The following MYO10 variants were observed in gnomAD, a reference collection of about 807,000 sequenced individuals.
The protein encoded by MYO10 is myosin X.
In MYO10, 133 loss-of-function variants were observed where a neutral mutation model predicts 257.3. The observed-to-expected ratio is 0.52, with a 90% CI of 0.45 to 0.60. The LOEUF (loss-of-function observed/expected upper bound fraction) is 0.60. MYO10 is among the 20% of genes least tolerant of loss of function. The pLI is 0.00. For missense variants in MYO10, 2,399 were observed against 2,635.7 expected (o/e 0.91, Z 1.97); for synonymous variants, 1,104 against 1,028.6 (o/e 1.07, Z -1.40).
At chr5:16,880,905 G>C (rs166227) in intron 1 of MYO10, among the ~76,000 whole-genome samples, 59,330 of 152,108 alleles carry the variant, frequency 0.39, 13,317 homozygotes, top group Admixed American at 0.5. Flanking sequence ...GATTTCAAGT[G>C]CCTGATGACT....
chr5:16,789,842 C>T (rs188732591), intron 4 of MYO10, among the ~76,000 whole-genome samples: 221 of 152,266 alleles, frequency 1.5e-3, no homozygotes, highest in Non-Finnish European at 1.5e-3. Flanking sequence ...AGTTCAAATC[C>T]TATGTTTGTT....
At chr5:16,708,455 T>C (rs1046911525) in intron 21 of MYO10, among the ~76,000 whole-genome samples, 2 of 152,224 alleles carry the variant, frequency 1.3e-5, no homozygotes, top group African/African-American at 4.8e-5. Context: ...GAAGCTGGAT[T>C]AGTACTTGGA....
chr5:16,697,163 G>A (rs1481480725), intron 26 of MYO10, among the ~76,000 whole-genome samples: 2 of 152,078 alleles, frequency 1.3e-5, no homozygotes, highest in African/African-American at 4.8e-5. Flanking sequence ...GGGGTTTCAT[G>A]AGCACTGTGG....
chr5:16,754,091 G>A (rs1332528919), intron 19 of MYO10, among the ~76,000 whole-genome samples: 3 of 152,200 alleles, frequency 2.0e-5, no homozygotes, highest in South Asian at 2.1e-4. Flanking sequence ...AAAATTTGTA[G>A]GGGTTTTCTC....
intron 1 of MYO10, among the ~76,000 whole-genome samples, chr5:16,912,909 G>GGGAT (rs1272889648): frequency 6.7e-6 from 1 of 149,828 alleles, no homozygotes; most frequent in African/African-American, 2.5e-5. Context: ...CTCTTAGTTT[G>GGGAT]GGATGATTCC....
chr5:16,816,599 T>G (rs774299578), intron 3 of MYO10, among the ~76,000 whole-genome samples: 3 of 151,590 alleles, frequency 2.0e-5, no homozygotes, highest in South Asian at 2.1e-4. Flanking sequence ...GGTGCGATCT[T>G]AGCTCACTGC....
At chr5:16,889,591 A>C (rs974832324) in intron 1 of MYO10, among the ~76,000 whole-genome samples, 1 of 151,336 alleles carries the variant, frequency 6.6e-6, no homozygotes, top group Non-Finnish European at 1.5e-5. Context: ...AGAACAAGCC[A>C]AGAAAGACAA....
chr5:16,932,988 G>A (rs942611034), intron 1 of MYO10, among the ~76,000 whole-genome samples: 2 of 152,012 alleles, frequency 1.3e-5, no homozygotes, highest in African/African-American at 4.8e-5. Context: ...TGAACTCCTG[G>A]GCTCAAGCAG....
In MYO10 at chr5:16,891,317, A is replaced by AGG. The variant is rs1170103767; in HGVS notation, c.22-13611_22-13610insCC. Among the ~76,000 whole-genome samples the AGG allele has an allele frequency of 2.3e-4, 16 of 70,962 alleles. No homozygotes were observed. The East Asian group carries it at 4.7e-3, about 21-fold the overall frequency. The allele number at this position is 70,962 out of a possible 152,430, so 46.6% of individuals were successfully genotyped here. A position where few individuals can be genotyped will look rare whatever the true frequency, so the allele number is the denominator to read the frequency against. ...CTTGAAAGAGAGAGAAAAGGAGAAG[A>AGG]GAAAAGGAAGGAAGGAAGGAAGGAA... On this transcript the variant is annotated intron_variant, in intron 1 of 40. Coordinates refer to ENST00000513610, the MANE Select transcript of MYO10 (RefSeq NM_012334.3).
chr5:16,892,226 T>C (rs769330845), intron 1 of MYO10, among the ~76,000 whole-genome samples: 1 of 152,202 alleles, frequency 6.6e-6, no homozygotes, highest in African/African-American at 2.4e-5. Flanking sequence ...CCAGCTCTTC[T>C]ACCCATAGCT....
intron 2 of MYO10, among the ~76,000 whole-genome samples, chr5:16,863,039 G>C (rs1744150316): frequency 6.6e-6 from 1 of 152,160 alleles, no homozygotes; most frequent in Admixed American, 6.5e-5. Flanking sequence ...CAGATTCTAA[G>C]GGTTGGGAAG....
chr5:16,915,727 G>A (rs529572062), intron 1 of MYO10, among the ~76,000 whole-genome samples: 3 of 152,292 alleles, frequency 2.0e-5, no homozygotes, highest in East Asian at 1.9e-4. Context: ...AGGCCAAGGC[G>A]GGCGGATCAC....
rs1171822684 is a variant in MYO10 at position 16,699,478 on chromosome 5, C to T, written c.3528G>A (p.Pro1176=). Residue 1176 remains proline, a synonymous_variant, in exon 26 of 41, where the codon CCG becomes CCA. Coordinates refer to ENST00000513610, the MANE Select transcript of MYO10 (RefSeq NM_012334.3). ...TCATGTACAGAAAGCTGTGGAAATA[C>T]GGCAGAGTGACACAGCTGTACACAG... The part of the protein sequence containing the change: ...RDSVYSCVTL[P]YFHSFLYMKG... 1.1e-5 allele frequency: 17 copies of T among 1,613,578 alleles called. No individual in the cohort carries two copies. The highest frequency in any genetic ancestry group is 8.9e-5 in the East Asian group (4 of 44,886).
chr5:16,823,778 G>A (rs542506111), intron 2 of MYO10, among the ~76,000 whole-genome samples: 17 of 149,354 alleles, frequency 1.1e-4, no homozygotes, highest in East Asian at 4.0e-4. Context: ...GGCTGGGGGC[G>A]GGGGGCGGGG....
intron 1 of MYO10, among the ~76,000 whole-genome samples, chr5:16,882,085 T>C (rs536844176): frequency 9.8e-5 from 15 of 152,328 alleles, no homozygotes; most frequent in African/African-American, 3.6e-4. Flanking sequence ...GCTAAAAATT[T>C]TTCTGTACAT....
chr5:16,703,141 A>G lies in MYO10; in HGVS notation c.2294T>C (p.Val765Ala), dbSNP rs925138698. The G allele has an allele frequency of 6.3e-7, 1 of 1,595,656 alleles. No homozygotes were observed. The highest frequency in any genetic ancestry group is 1.3e-5 in the African/African-American group (1 of 74,726). The stretch of plus-strand genomic sequence containing the variant: ...CTGTATTATCACCACACAATAAAGG[A>G]CCTTTCTGTATTGTTTTCTGAAAAT... Reference protein sequence around the residue: ...GFLARKQYRKVLYCVVIIQKN... With the variant: ...GFLARKQYRKALYCVVIIQKN... Residue 765 changes from valine to alanine, a missense_variant, in exon 23 of 41, where the codon GTC (valine) becomes GCC (alanine). Transcript: ENST00000513610.
chr5:16,931,429 A>G (rs577420800), intron 1 of MYO10, among the ~76,000 whole-genome samples: 2 of 151,798 alleles, frequency 1.3e-5, no homozygotes, highest in Non-Finnish European at 2.9e-5. Flanking sequence ...TCCCTCCACC[A>G]CTCTGGTTAA....
Position 16,779,661 on chromosome 5 carries a change from A to G in MYO10, c.827-13T>C. The G allele has an allele frequency of 2.0e-6, 3 of 1,491,764 alleles. No homozygotes were observed. Among genetic ancestry groups the G allele is most frequent in the Non-Finnish European group, 2.8e-6 (3 of 1,081,158 alleles). 92.4% of individuals were successfully genotyped at this position (1,491,764 alleles called of 1,614,324 possible). A position where few individuals can be genotyped will look rare whatever the true frequency, so the allele number is the denominator to read the frequency against. ...AAATAAAATTCTTCTACAGAAAGACAAAAACATGATGTCACAGTTCTCCAG... is the reference window on the plus strand; with the variant it reads ...AAATAAAATTCTTCTACAGAAAGACGAAAACATGATGTCACAGTTCTCCAG... On this transcript the variant is annotated splice_polypyrimidine_tract_variant and intron_variant, in intron 8 of 40. Transcript: ENST00000513610.
chr5:16,781,607 G>T, intron 6 of MYO10, 98 bp downstream of exon 6: 1 of 1,271,328 alleles, frequency 7.9e-7, no homozygotes, highest in South Asian at 1.5e-5. Context: ...ACCAGAGAAA[G>T]AAATGTTTCA....
Sources: allele counts gnomAD v4.1 joint callset (sites outside exome capture counted in the v4.1 genomes callset), GRCh38; gene constraint gnomAD v4.1.1; transcripts MANE v1.5; gene names NCBI Gene and HGNC (gene_info 2026-07-23, HGNC 2026-07-21).